DCAF12: variants seen among roughly 807,000 people sequenced by gnomAD.
DCAF12 encodes DDB1 and CUL4 associated factor 12, also known as DDB1- and CUL4-associated factor 12.
A neutral mutation model predicts 52.8 loss-of-function variants in DCAF12; 28 were observed. That is an observed-to-expected ratio of 0.53 (90% confidence interval 0.39 to 0.73). The LOEUF is 0.73. Ranked by LOEUF, DCAF12 falls within the 30% of genes least tolerant of loss-of-function variation. DCAF12 has a pLI of 0.00. For missense variants in DCAF12, 425 were observed against 552.2 expected (o/e 0.77, Z 2.31); for synonymous variants, 196 against 215.5 (o/e 0.91, Z 0.79).
chr9:34,106,998 C>T (rs1204535694), intron 3 of DCAF12, among the ~76,000 whole-genome samples: 1 of 152,144 alleles, frequency 6.6e-6, no homozygotes, highest in Non-Finnish European at 1.5e-5. Context: ...CTATATGTCA[C>T]CCTCCACTAG....
intron 2 of DCAF12, among the ~76,000 whole-genome samples, chr9:34,118,577 A>G (rs1416173738): frequency 1.3e-5 from 2 of 152,166 alleles, no homozygotes; most frequent in African/African-American, 2.4e-5. Flanking sequence ...ATTAACAGGG[A>G]GCTTTATCCC....
chr9:34,119,688 T>C (rs576492655), intron 2 of DCAF12, among the ~76,000 whole-genome samples: 1 of 148,530 alleles, frequency 6.7e-6, no homozygotes, highest in Non-Finnish European at 1.5e-5. Flanking sequence ...CAACAAATAC[T>C]ATGTACTTTT....
chr9:34,110,728 G>A (rs1033813800), intron 2 of DCAF12, among the ~76,000 whole-genome samples: 2 of 152,018 alleles, frequency 1.3e-5, no homozygotes, highest in African/African-American at 4.8e-5. Flanking sequence ...AGGCTGCAGT[G>A]AGCCATGATG....
At chr9:34,113,889 A>G (rs1479891121) in intron 2 of DCAF12, among the ~76,000 whole-genome samples, 1 of 152,086 alleles carries the variant, frequency 6.6e-6, no homozygotes, top group African/African-American at 2.4e-5. Context: ...CAGGCGGATC[A>G]TGAGGTTAGG....
chr9:34,091,607 C>CAGCCTGGCTGATAGAGTGAGG (rs1828644596), intron 7 of DCAF12, among the ~76,000 whole-genome samples: 1 of 133,198 alleles, frequency 7.5e-6, no homozygotes, highest in East Asian at 2.1e-4. Context: ...CACTTTCCTC[C>CAGCCTGGCTGATAGAGTGAGG]AGCCTGGCTG....
At chr9:34,112,075 G>A (rs550172200) in intron 2 of DCAF12, among the ~76,000 whole-genome samples, 145 of 151,776 alleles carry the variant, frequency 9.6e-4, no homozygotes, top group African/African-American at 3.4e-3. Context: ...CTCAGGAGGT[G>A]GAGGTTGCAG....
chr9:34,121,435 GCT>G (rs1487334736), intron 2 of DCAF12, among the ~76,000 whole-genome samples: 1 of 152,008 alleles, frequency 6.6e-6, no homozygotes, highest in Admixed American at 6.6e-5. Context: ...GAGGTCCCTC[GCT>G]CTCTTATGGT....
In DCAF12 at chr9:34,093,388, A is replaced by G; in HGVS notation, c.922T>C (p.Trp308Arg). 2.5e-6 allele frequency: 4 copies of G among 1,614,228 alleles called. No homozygotes were observed. Among genetic ancestry groups the G allele is most frequent in the Non-Finnish European group, 3.4e-6 (4 of 1,180,032 alleles). ...ENVCLAYGSE[W>R]SVYAVGSQAH... ...TGGGAGCCCACTGCATAAACTGACC[A>G]TTCACTACCATAAGCCAGACACACA... The change falls in exon 7 of 9, where the codon TGG (tryptophan) becomes CGG (arginine). Residue 308 changes from tryptophan (W) to arginine (R), a missense_variant. Physicochemically the swap from Trp to Arg is moderately radical, Grantham distance 101. Transcript: ENST00000361264.
chr9:34,117,633 T>C (rs888926882), intron 2 of DCAF12, among the ~76,000 whole-genome samples: 1 of 152,018 alleles, frequency 6.6e-6, no homozygotes, highest in Non-Finnish European at 1.5e-5. Flanking sequence ...AAGAAATTCT[T>C]GCTGGGTGCA....
chr9:34,092,948 C>T (rs1184625913), intron 7 of DCAF12, among the ~76,000 whole-genome samples: 1 of 152,158 alleles, frequency 6.6e-6, no homozygotes, highest in African/African-American at 2.4e-5. Context: ...CAGGTTCAAG[C>T]AATTCTCCTG....
intron 7 of DCAF12, among the ~76,000 whole-genome samples, 157 bp downstream of exon 7, chr9:34,093,128 CG>C (rs1394494296): frequency 6.6e-6 from 1 of 152,244 alleles, no homozygotes; most frequent in East Asian, 1.9e-4. Context: ...GGATTACAGG[CG>C]TAAGCCACCA....
chr9:34,093,521 C>T (rs1200767516), intron 6 of DCAF12, 73 bp from the exon 7 acceptor site: 78 of 1,530,400 alleles, frequency 5.1e-5, no homozygotes, highest in South Asian at 1.6e-4. Context: ...TCTGGACTCC[C>T]ACCTTGATGG....
intron 2 of DCAF12, among the ~76,000 whole-genome samples, chr9:34,114,792 C>A (rs1002019433): frequency 6.6e-6 from 1 of 151,846 alleles, no homozygotes; most frequent in African/African-American, 2.4e-5. Context: ...TGAGTGTACA[C>A]AAAGACAAAG....
At chr9:34,108,976 A>G (rs1229342635) in intron 2 of DCAF12, among the ~76,000 whole-genome samples, 2 of 62,098 alleles carry the variant, frequency 3.2e-5, no homozygotes, top group Non-Finnish European at 6.2e-5. Context: ...TATTTTATGT[A>G]TATGTTTTTA....
At chr9:34,104,445 T>C (rs4879741) in intron 4 of DCAF12, among the ~76,000 whole-genome samples, 32,577 of 151,884 alleles carry the variant, frequency 0.21, 3,624 homozygotes, top group Middle Eastern at 0.28. Context: ...GAAAGATAGG[T>C]GTGGGCCTTG....
intron 2 of DCAF12, among the ~76,000 whole-genome samples, chr9:34,117,466 G>A (rs1296231127): frequency 6.6e-6 from 1 of 151,464 alleles, no homozygotes. Flanking sequence ...CCTTGATTTT[G>A]GAGGTCTCTG....
intron 4 of DCAF12, among the ~76,000 whole-genome samples, chr9:34,105,339 T>C (rs575646628): frequency 4.7e-4 from 71 of 151,900 alleles, no homozygotes; most frequent in African/African-American, 1.6e-3. Flanking sequence ...GGCAGGAGGA[T>C]AGCTTGAGCC....
chr9:34,092,210 G>A (rs1700267381), intron 7 of DCAF12, among the ~76,000 whole-genome samples: 1 of 152,102 alleles, frequency 6.6e-6, no homozygotes, highest in African/African-American at 2.4e-5. Context: ...TACAATTTGA[G>A]GTTCTGACAT....
chr9:34,113,315 G>A (rs961341026), intron 2 of DCAF12, among the ~76,000 whole-genome samples: 1 of 152,150 alleles, frequency 6.6e-6, no homozygotes. Context: ...GCCTCCGAAA[G>A]TGCTGGGATT....
Sources: gnomAD v4.1 joint callset for allele counts (sites outside exome capture counted in the v4.1 genomes callset) on GRCh38, gnomAD v4.1.1 for gene constraint, MANE v1.5 for transcripts, NCBI Gene and HGNC (gene_info 2026-07-23, HGNC 2026-07-21) for gene names.